The following PPIL4 variants were observed in gnomAD, a reference collection of about 807,000 sequenced individuals.
The protein encoded by PPIL4 is peptidyl-prolyl cis-trans isomerase-like 4.
A neutral mutation model predicts 69.1 loss-of-function variants in PPIL4; 50 were observed. That is an observed-to-expected ratio of 0.72 (90% CI 0.58 to 0.92). PPIL4 has a LOEUF of 0.92. Ranked by LOEUF, PPIL4 falls within the 40% of genes least tolerant of loss-of-function variation. The probability of loss-of-function intolerance (pLI) is 0.00; values close to 1 mark genes in which losing one functional copy is unlikely to be tolerated. For missense variants in PPIL4, 480 were observed against 587.9 expected (o/e 0.82, Z 1.90); for synonymous variants, 193 against 191.6 (o/e 1.01, Z -0.06).
intron 9 of PPIL4, among the ~76,000 whole-genome samples, chr6:149,522,824 G>A (rs928671234): frequency 2.0e-5 from 3 of 152,068 alleles, no homozygotes; most frequent in African/African-American, 7.2e-5. Flanking sequence ...TGTTGGCCAG[G>A]ATGGTCTCGA....
At chr6:149,540,420 T>C (rs1487014726) in intron 4 of PPIL4, among the ~76,000 whole-genome samples, 2 of 152,172 alleles carry the variant, frequency 1.3e-5, no homozygotes, top group Non-Finnish European at 1.5e-5. Flanking sequence ...ATTGAGACCA[T>C]CGTGGCCAAC....
At chr6:149,515,389 T>C (rs1014477217) in intron 11 of PPIL4, among the ~76,000 whole-genome samples, 4 of 152,110 alleles carry the variant, frequency 2.6e-5, no homozygotes, top group Non-Finnish European at 5.9e-5. Flanking sequence ...AAGACAGCAC[T>C]CCACCTCAGC....
intron 10 of PPIL4, among the ~76,000 whole-genome samples, chr6:149,518,137 T>G (rs997466055): frequency 6.6e-6 from 1 of 152,140 alleles, no homozygotes; most frequent in African/African-American, 2.4e-5. Context: ...TGTCTCTACT[T>G]TGAAATTCTA....
At chr6:149,528,933 AG>A (rs1777148518) in intron 7 of PPIL4, among the ~76,000 whole-genome samples, 1 of 152,238 alleles carries the variant, frequency 6.6e-6, no homozygotes, top group Non-Finnish European at 1.5e-5. Context: ...AGCAATTAAA[AG>A]AAATGAGCTA....
At chr6:149,521,848 T>C (rs1404717883) in intron 9 of PPIL4, among the ~76,000 whole-genome samples, 2 of 152,232 alleles carry the variant, frequency 1.3e-5, no homozygotes, top group African/African-American at 4.8e-5. Context: ...AGCTCTGTGC[T>C]ACACAAGAAT....
Position 149,526,583 on chromosome 6 carries a change from T to C in PPIL4, c.803+69A>G, listed in dbSNP as rs561177302. On this transcript the variant is annotated intron_variant, in intron 8 of 12. Coordinates refer to ENST00000253329, the MANE Select transcript of PPIL4 (RefSeq NM_139126.4). The stretch of plus-strand genomic sequence containing the variant: ...TAGAATTCACAGAATCATCAAAATA[T>C]GTCATTAGAAAACCACCAACTGATA... 68 of 1,417,290 alleles carry C rather than the reference T, an allele frequency of 4.8e-5. No individual in the cohort carries two copies. The African/African-American group carries it at 9.5e-4, about 20-fold the overall frequency. The allele number at this position is 1,417,290 out of a possible 1,614,324, so 87.8% of individuals were successfully genotyped here.
chr6:149,512,001 A>T (rs1375387167), intron 12 of PPIL4, among the ~76,000 whole-genome samples, 154 bp downstream of exon 12: 2 of 152,234 alleles, frequency 1.3e-5, no homozygotes, highest in African/African-American at 4.8e-5. Context: ...GAAAATTAAA[A>T]TCCCATACCC....
chr6:149,521,012 CAAAAA>C, intron 10 of PPIL4, 43 bp downstream of exon 10: 8 of 868,690 alleles, frequency 9.2e-6, no homozygotes, highest in Admixed American at 2.6e-5. Flanking sequence ...GACTCCATCT[CAAAAA>C]AAAAAAAAAA....
intron 12 of PPIL4, among the ~76,000 whole-genome samples, chr6:149,507,330 T>C (rs1001749702): frequency 6.6e-6 from 1 of 152,240 alleles, no homozygotes; most frequent in African/African-American, 2.4e-5. Context: ...ATAAACTGAT[T>C]TGTGATTTTC....
chr6:149,523,099 GC>G (rs1241475495), intron 9 of PPIL4, among the ~76,000 whole-genome samples: 1 of 151,946 alleles, frequency 6.6e-6, no homozygotes, highest in Non-Finnish European at 1.5e-5. Context: ...TTTTAAATAG[GC>G]CACTAAAAAG....
chr6:149,513,385 C>CAAAAAAA (rs1170985851), intron 11 of PPIL4, among the ~76,000 whole-genome samples: 2 of 41,548 alleles, frequency 4.8e-5, no homozygotes, highest in African/African-American at 1.9e-4. Flanking sequence ...GACTCAGTCT[C>CAAAAAAA]AAAAAAAAAA....
At chr6:149,537,822 A>C (rs1777300679) in intron 4 of PPIL4, among the ~76,000 whole-genome samples, 1 of 152,212 alleles carries the variant, frequency 6.6e-6, no homozygotes, top group Non-Finnish European at 1.5e-5. Context: ...TTTTAAGATC[A>C]CTGTTGAGAC....
At chr6:149,520,447 T>G (rs1777011409) in intron 10 of PPIL4, among the ~76,000 whole-genome samples, 1 of 152,098 alleles carries the variant, frequency 6.6e-6, no homozygotes, top group South Asian at 2.1e-4. Flanking sequence ...CACCATAAAG[T>G]CAAAATAATT....
At chr6:149,526,432 G>A (rs1777108154) in intron 8 of PPIL4, among the ~76,000 whole-genome samples, 1 of 151,914 alleles carries the variant, frequency 6.6e-6, no homozygotes, top group Non-Finnish European at 1.5e-5. Flanking sequence ...GTTGAGAGTG[G>A]GAGATTCAAT....
chr6:149,524,050 G>A (rs892179608), intron 9 of PPIL4, among the ~76,000 whole-genome samples: 9 of 152,286 alleles, frequency 5.9e-5, no homozygotes, highest in Non-Finnish European at 1.2e-4. Context: ...TAAATGCTTT[G>A]TAATAATTAG....
intron 4 of PPIL4, among the ~76,000 whole-genome samples, chr6:149,539,497 C>T (rs143144431): frequency 6.6e-6 from 1 of 152,300 alleles, no homozygotes; most frequent in East Asian, 1.9e-4. Context: ...CCCACCTCAG[C>T]TTCCCAAGAA....
chr6:149,513,499 T>C (rs1380181627), intron 11 of PPIL4, among the ~76,000 whole-genome samples: 1 of 142,492 alleles, frequency 7.0e-6, no homozygotes, highest in Non-Finnish European at 1.5e-5. Context: ...CAACAAAATA[T>C]CTAGTAATAA....
rs562415695 is a variant in PPIL4 at position 149,514,501 on chromosome 6, T to C, written c.1080-2199A>G. ...CACACCCAGCTAATTTTCGTATTTT[T>C]AGTCGAGACAGGGTTTCGCCACGTT... On this transcript the variant is annotated intron_variant, in intron 11 of 12. Coordinates refer to ENST00000253329, the MANE Select transcript of PPIL4 (RefSeq NM_139126.4). Among the ~76,000 whole-genome samples the C allele has an allele frequency of 1.2e-4, 18 of 152,266 alleles. No individual in the cohort carries two copies. In the South Asian group the frequency reaches 3.7e-3, roughly 32 times the overall value.
chr6:149,539,637 C>T lies in PPIL4; in HGVS notation c.321+1305G>A, dbSNP rs536334687. 1.5e-4 allele frequency among the ~76,000 whole-genome samples: 23 copies of T among 152,248 alleles called. 1 individual carries two copies. The East Asian group carries it at 4.0e-3, about 27-fold the overall frequency. ...TCAACCCATCTGCCTGCCTTGCCCC[C>T]GCAAAGTACTGGGATTACAGATGTA... is the stretch of plus-strand genomic sequence containing the variant. On this transcript the variant is annotated intron_variant, in intron 4 of 12. Transcript: ENST00000253329.
Sources: gnomAD v4.1 joint callset for allele counts (sites outside exome capture counted in the v4.1 genomes callset) on GRCh38, gnomAD v4.1.1 for gene constraint, MANE v1.5 for transcripts, NCBI Gene and HGNC (gene_info 2026-07-23, HGNC 2026-07-21) for gene names.